ABCA3: variants seen among roughly 807,000 people sequenced by gnomAD.
The protein encoded by ABCA3 is ATP binding cassette subfamily A member 3, also known as phospholipid-transporting ATPase ABCA3.
ABCA3 carries 88 observed loss-of-function variants against 172.8 expected under a neutral mutation model. The ratio of observed to expected loss-of-function variants is 0.51; its 90% CI spans 0.43 to 0.61. ABCA3 has a LOEUF of 0.61. Among genes scored for constraint, ABCA3 ranks in the 20% least tolerant of loss-of-function variants. The pLI is 0.00. For missense variants in ABCA3, 2,164 were observed against 2,301.0 expected, an observed-to-expected ratio of 0.94 and a Z score of 1.22; for synonymous variants, 1,066 against 983.8, an observed-to-expected ratio of 1.08 and a Z score of -1.56.
At chr16:2,282,624 C>T (rs1309855139) in intron 26 of ABCA3, among the ~76,000 whole-genome samples, 10 of 151,264 alleles carry the variant, frequency 6.6e-5, no homozygotes, top group Non-Finnish European at 4.4e-5. Context: ...TGTCCCTGGG[C>T]ACCACCTCTG....
intron 12 of ABCA3, among the ~76,000 whole-genome samples, 156 bp from the exon 13 acceptor site, chr16:2,300,304 G>T (rs116255911): frequency 2.0e-5 from 3 of 151,592 alleles, no homozygotes; most frequent in East Asian, 1.9e-4. Flanking sequence ...GCCCCAGAGA[G>T]TCCCAACTTG....
Position 2,287,830 on chromosome 16 carries a change from G to A in ABCA3, c.3004+196C>T, listed in dbSNP as rs568140867. On this transcript the variant is annotated intron_variant, in intron 21 of 32. Transcript: ENST00000301732. The surrounding 1 kb of genome is among the most constrained non-coding windows in gnomAD (Gnocchi z 4.1). ...GTGATCTGCCACCCAGGGGACATCC[G>A]CAATGTTTCCAGGCATGTTTGATGG... is the stretch of plus-strand genomic sequence containing the variant. Among the ~76,000 whole-genome samples, 3 of 152,264 alleles carry A rather than the reference G, an allele frequency of 2.0e-5. No homozygotes were observed. The highest frequency in any genetic ancestry group is 4.1e-4 in the South Asian group (2 of 4,830).
At chr16:2,325,537 C>T (rs928822580) in intron 5 of ABCA3, among the ~76,000 whole-genome samples, 1 of 152,124 alleles carries the variant, frequency 6.6e-6, no homozygotes, top group Non-Finnish European at 1.5e-5. Flanking sequence ...ATCAGGCAAG[C>T]AAAAACCTCA....
Position 2,284,435 on chromosome 16 carries a change from C to A in ABCA3, c.3706G>T (p.Val1236Leu). The A allele has an allele frequency of 2.5e-6, 4 of 1,613,806 alleles. No homozygotes were observed. The highest frequency in any genetic ancestry group is 3.4e-6 in the Non-Finnish European group (4 of 1,180,008). Residue 1236 changes from valine (V) to leucine (L), a missense_variant and splice_region_variant, in exon 25 of 33, where the codon GTA becomes TTA. By Grantham distance (32) the Val-to-Leu change is conservative (BLOSUM62 1). Transcript: ENST00000301732. The surrounding 1 kb of genome is among the most constrained non-coding windows in gnomAD (Gnocchi z 5.9). ...GTTTTGGAAAGTTCTTCCAGTTTTA[C>A]AGCTGCGTTGGGGAGGTAAGATCAG... The part of the protein sequence containing the change: ...LMVTIMRIPA[V>L]KLEELSKTLD...
intron 2 of ABCA3, 28 bp from the exon 3 acceptor site, chr16:2,328,785 G>C (rs2093738554): frequency 3.9e-6 from 1 of 257,794 alleles, no homozygotes; most frequent in Non-Finnish European, 8.1e-6. Context: ...TCATCCATCA[G>C]CCAGGTTAAG....
chr16:2,297,709 G>A lies in ABCA3; in HGVS notation c.2052+57C>T, dbSNP rs751435503. On this transcript the variant is annotated intron_variant, in intron 16 of 32. Transcript: ENST00000301732. The surrounding 1 kb of genome is among the most constrained non-coding windows in gnomAD (Gnocchi z 5.6). Reference sequence around the variant, plus strand: ...CCAAGGTGCCCGGGCCATGGCGGAAGGGCCATCCCAGGTCGAGCAGGAGGG... The same window carrying A: ...CCAAGGTGCCCGGGCCATGGCGGAAAGGCCATCCCAGGTCGAGCAGGAGGG... The A allele has an allele frequency of 8.0e-5, 128 of 1,602,660 alleles. No homozygotes were observed. The highest frequency in any genetic ancestry group is 1.1e-4 in the Non-Finnish European group (125 of 1,179,664).
chr16:2,279,185 T>C lies in ABCA3; in HGVS notation c.4360-55A>G. The C allele has an allele frequency of 6.3e-7, 1 of 1,591,386 alleles. No homozygotes were observed. Among genetic ancestry groups the C allele is most frequent in the Non-Finnish European group, 8.5e-7 (1 of 1,171,806 alleles). On this transcript the variant is annotated intron_variant, in intron 28 of 32. Coordinates refer to ENST00000301732, the MANE Select transcript of ABCA3 (RefSeq NM_001089.3). This position sits in a 1 kb window ranked among gnomAD's most constrained non-coding sequence, Gnocchi z 4.4. ...GCGGGTTGGAGGGAAGCCTCCTTCC[T>C]CCAGAGGACCACGGGGACTACCCTT...
chr16:2,319,727 T>C lies in ABCA3; in HGVS notation c.727A>G (p.Lys243Glu), dbSNP rs761931770. Residue 243 changes from lysine to glutamate, a missense_variant, in exon 8 of 33, where the codon AAG (lysine) becomes GAG (glutamate). Lys to Glu is a moderately conservative substitution (Grantham distance 56). Coordinates refer to ENST00000301732, the MANE Select transcript of ABCA3 (RefSeq NM_001089.3). ...QLFQRLTVTI[K>E]RFPYPPFIAD... is the part of the protein sequence containing the mutation. ...ATGAACGGCGGGTACGGGAACCTCT[T>C]GATGGTCACCGTCAGTCTCTGGAAC... The C allele has an allele frequency of 6.2e-6, 10 of 1,613,806 alleles. No individual in the cohort carries two copies. In the East Asian group the frequency reaches 6.7e-5, roughly 11 times the overall value.
At position 2,317,781 on chromosome 16, in the gene ABCA3, TC is replaced by T; in HGVS notation, c.874-18del. The stretch of plus-strand genomic sequence containing the variant: ...CATGTACTCCTGGGGAGAGAAGCCA[TC>T]ACGCTGCTGGGGGCCCGTCACTGCC... On this transcript the variant is annotated intron_variant, in intron 8 of 32. Transcript: ENST00000301732. The T allele has an allele frequency of 6.2e-7, 1 of 1,612,336 alleles. No individual in the cohort carries two copies. The highest frequency in any genetic ancestry group is 8.5e-7 in the Non-Finnish European group (1 of 1,178,564).
intron 19 of ABCA3, 132 bp from the exon 20 acceptor site, chr16:2,289,752 T>C: frequency 1.1e-6 from 1 of 923,106 alleles, no homozygotes; most frequent in East Asian, 2.7e-5. Context: ...TGCTTATGTG[T>C]TTCCTCACTC....
At chr16:2,313,655 A>C (rs2093710189) in intron 10 of ABCA3, among the ~76,000 whole-genome samples, 1 of 151,658 alleles carries the variant, frequency 6.6e-6, no homozygotes, top group East Asian at 1.9e-4. Context: ...CTGTAATCCC[A>C]GCACTCTGGG....
intron 12 of ABCA3, among the ~76,000 whole-genome samples, chr16:2,300,838 G>A (rs2093687734): frequency 6.6e-6 from 1 of 152,200 alleles, no homozygotes; most frequent in African/African-American, 2.4e-5. Context: ...GCAGCTCCAC[G>A]CCCAGTGCAC....
rs2093651490 is a variant in ABCA3, at chr16:2,279,230, C to T, written c.4360-100G>A. 1 of 1,383,638 alleles carries T rather than the reference C, an allele frequency of 7.2e-7. No individual in the cohort carries two copies. The highest frequency in any genetic ancestry group is 1.0e-6 in the Non-Finnish European group (1 of 1,004,266). 85.7% of individuals were successfully genotyped at this position (1,383,638 alleles called of 1,614,324 possible). A position where few individuals can be genotyped will look rare whatever the true frequency, so the allele number is the denominator to read the frequency against. On this transcript the variant is annotated intron_variant, in intron 28 of 32. Coordinates refer to ENST00000301732, the MANE Select transcript of ABCA3 (RefSeq NM_001089.3). The surrounding 1 kb of genome is among the most constrained non-coding windows in gnomAD (Gnocchi z 4.4). ...ACCCTTGAGGTGCCCACCACTGCGC[C>T]TGTCTGTGGTTCCTGCCAGTGTGTG... is the stretch of plus-strand genomic sequence containing the variant.
At chr16:2,315,236 ACACAC>A (rs1351824285) in intron 10 of ABCA3, among the ~76,000 whole-genome samples, 2 of 151,474 alleles carry the variant, frequency 1.3e-5, no homozygotes, top group African/African-American at 4.9e-5. Flanking sequence ...ACACACACAC[ACACAC>A]ACAGCAAAGT....
At chr16:2,307,423 T>G (rs1164791962) in intron 11 of ABCA3, among the ~76,000 whole-genome samples, 2 of 151,818 alleles carry the variant, frequency 1.3e-5, no homozygotes, top group Non-Finnish European at 2.9e-5. Flanking sequence ...GGCATGGTGG[T>G]GCATGCCTGT....
chr16:2,340,162 G>C (rs550681758), intron 1 of ABCA3, among the ~76,000 whole-genome samples: 3 of 152,350 alleles, frequency 2.0e-5, no homozygotes, highest in Non-Finnish European at 4.4e-5. Flanking sequence ...CCGCAAGTGC[G>C]CGGCGGACGC....
intron 10 of ABCA3, among the ~76,000 whole-genome samples, chr16:2,315,250 G>GT (rs2093713370): frequency 6.8e-6 from 1 of 146,858 alleles, no homozygotes; most frequent in South Asian, 2.2e-4. Context: ...ACACAGCAAA[G>GT]TCTGATGAGA....
At chr16:2,307,341 T>A (rs1007878259) in intron 11 of ABCA3, among the ~76,000 whole-genome samples, 4 of 151,890 alleles carry the variant, frequency 2.6e-5, no homozygotes, top group Non-Finnish European at 5.9e-5. Flanking sequence ...TCACTTTAGG[T>A]CAGGAGTTCA....
At chr16:2,291,281 G>A (rs913014345) in intron 19 of ABCA3, among the ~76,000 whole-genome samples, 6 of 151,982 alleles carry the variant, frequency 3.9e-5, no homozygotes, top group Non-Finnish European at 8.8e-5. Flanking sequence ...AGCTGAGATT[G>A]CACCACTGCA....
Sources: allele counts gnomAD v4.1 joint callset (sites outside exome capture counted in the v4.1 genomes callset), GRCh38; gene constraint gnomAD v4.1.1; non-coding constraint Gnocchi (gnomAD v3.1); transcripts MANE v1.5; gene names NCBI Gene and HGNC (gene_info 2026-07-23, HGNC 2026-07-21).